Variants in MTMR6 observed in about 807,000 individuals in gnomAD.
The protein encoded by MTMR6 is myotubularin related protein 6, also known as phosphatidylinositol-3,5-bisphosphate 3-phosphatase MTMR6.
A neutral mutation model predicts 80.1 loss-of-function variants in MTMR6; 47 were observed. That is an observed-to-expected ratio of 0.59 (90% CI 0.46 to 0.75). The LOEUF is 0.75. Among genes scored for constraint, MTMR6 ranks in the 30% least tolerant of loss-of-function variants. The pLI, the probability that MTMR6 is intolerant of heterozygous loss-of-function variation, is 0.00. For missense variants in MTMR6, 629 were observed against 730.9 expected, an observed-to-expected ratio of 0.86 and a Z score of 1.61; for synonymous variants, 254 against 253.0, an observed-to-expected ratio of 1.00 and a Z score of -0.04.
intron 1 of MTMR6, among the ~76,000 whole-genome samples, chr13:25,283,918 T>G (rs959248917): frequency 2.0e-5 from 3 of 152,178 alleles, no homozygotes; most frequent in Non-Finnish European, 2.9e-5. Context: ...GATTCATAAG[T>G]GTAGCTTGGA....
At chr13:25,252,124 G>T in intron 11 of MTMR6, 140 bp from the exon 12 acceptor site, 1 of 836,102 alleles carries the variant, frequency 1.2e-6, no homozygotes, top group Non-Finnish European at 1.9e-6. Flanking sequence ...GTCTAACCTT[G>T]TCTCAGAATT....
At position 25,249,455 on chromosome 13, in the gene MTMR6, A is replaced by G; in HGVS notation, c.1643T>C (p.Ile548Thr). Residue 548 changes from isoleucine to threonine, a missense_variant, in exon 14 of 14, where the codon ATC becomes ACC. By Grantham distance (89) the Ile-to-Thr change is moderately conservative. Coordinates refer to ENST00000381801, the MANE Select transcript of MTMR6 (RefSeq NM_004685.5). ...TGAATGTAACAATTCCTTGGTGAGGATGCCATCTGTTTGCTTATTTTTGCG... is the reference window on the plus strand; with the variant it reads ...TGAATGTAACAATTCCTTGGTGAGGGTGCCATCTGTTTGCTTATTTTTGCG... Reference protein sequence around the residue: ...KQRKNKQTDGILTKELLHSVH... With the variant: ...KQRKNKQTDGTLTKELLHSVH... The G allele has an allele frequency of 2.5e-6, 4 of 1,613,896 alleles. No individual in the cohort carries two copies. The highest frequency in any genetic ancestry group is 2.5e-6 in the Non-Finnish European group (3 of 1,179,850).
chr13:25,250,082 A>G (rs558052038), intron 13 of MTMR6, among the ~76,000 whole-genome samples: 1 of 152,292 alleles, frequency 6.6e-6, no homozygotes, highest in East Asian at 1.9e-4. Context: ...TCTCTTGACC[A>G]TATCCTTCTA....
In MTMR6 at chr13:25,283,866, T is replaced by C. The variant is rs369181355; in HGVS notation, c.24+3358A>G. Among the ~76,000 whole-genome samples the C allele has an allele frequency of 4.6e-5, 7 of 152,324 alleles. No homozygotes were observed. The South Asian group carries it at 1.2e-3, about 27-fold the overall frequency. On this transcript the variant is annotated intron_variant, in intron 1 of 13. Transcript: ENST00000381801. ...TTGTTTCTTGGCAGGACTATGTCAT[T>C]ATGGCAAAATGAGAGCTCAAAGCGA...
At chr13:25,286,413 TTA>T (rs1285973651) in intron 1 of MTMR6, among the ~76,000 whole-genome samples, 5 of 152,188 alleles carry the variant, frequency 3.3e-5, no homozygotes, top group Admixed American at 6.5e-5. Flanking sequence ...TCGTCTCGAT[TTA>T]TGTTTTTCTC....
Position 25,258,593 on chromosome 13 carries a change from C to T in MTMR6, c.826G>A (p.Val276Ile). ...AATTTCTGAAGGCTGGACCTCATGA[C>T]ATGAATATTTTCAATTCCAACAAAC... is the stretch of plus-strand genomic sequence containing the variant. ...FQFVGIENIH[V>I]MRSSLQKLLE... Residue 276 changes from valine to isoleucine, a missense_variant, in exon 7 of 14, where the codon GTC becomes ATC. Physicochemically the swap from Val to Ile is conservative, Grantham distance 29 (BLOSUM62 3). Coordinates refer to ENST00000381801, the MANE Select transcript of MTMR6 (RefSeq NM_004685.5). The T allele has an allele frequency of 1.3e-6, 2 of 1,596,462 alleles. No homozygotes were observed. The highest frequency in any genetic ancestry group is 2.3e-5 in the South Asian group (2 of 87,066).
intron 2 of MTMR6, among the ~76,000 whole-genome samples, chr13:25,272,985 T>C (rs1227766920): frequency 6.6e-6 from 1 of 152,118 alleles, no homozygotes; most frequent in African/African-American, 2.4e-5. Flanking sequence ...ATTCTATTTG[T>C]AGCCCAGAAC....
At chr13:25,258,449 T>C (rs1019252296) in intron 7 of MTMR6, 111 bp downstream of exon 7, 2 of 838,716 alleles carry the variant, frequency 2.4e-6, no homozygotes, top group African/African-American at 3.6e-5. Context: ...TTAATTTCAC[T>C]TGTTTCTTTT....
chr13:25,275,256 T>C (rs1367857964), intron 1 of MTMR6, among the ~76,000 whole-genome samples: 1 of 151,400 alleles, frequency 6.6e-6, no homozygotes, highest in Admixed American at 6.6e-5. Flanking sequence ...ATGAGACCTC[T>C]ACTAAAAATA....
intron 4 of MTMR6, 58 bp downstream of exon 4, chr13:25,266,071 C>T (rs1203178274): frequency 1.3e-6 from 2 of 1,596,190 alleles, no homozygotes; most frequent in Admixed American, 1.7e-5. Context: ...TACGCTGACA[C>T]TCTCTAACCC....
rs534933279 is a variant in MTMR6 at position 25,281,840 on chromosome 13, A to G, written c.24+5384T>C. ...GTTCATGTATCCCAATTTCTAGAACAGTGTCTGGCTGCATAAATTATCAAA... is the reference window on the plus strand; with the variant it reads ...GTTCATGTATCCCAATTTCTAGAACGGTGTCTGGCTGCATAAATTATCAAA... On this transcript the variant is annotated intron_variant, in intron 1 of 13. Coordinates refer to ENST00000381801, the MANE Select transcript of MTMR6 (RefSeq NM_004685.5). Among the ~76,000 whole-genome samples, 5 of 152,342 alleles carry G rather than the reference A, an allele frequency of 3.3e-5. No homozygotes were observed. In the East Asian group the frequency reaches 7.7e-4, roughly 24 times the overall value.
chr13:25,284,573 C>G (rs1957919298), intron 1 of MTMR6, among the ~76,000 whole-genome samples: 1 of 152,178 alleles, frequency 6.6e-6, no homozygotes, highest in Non-Finnish European at 1.5e-5. Flanking sequence ...AAAGGACACT[C>G]TACGGTCAAT....
intron 1 of MTMR6, 135 bp downstream of exon 1, chr13:25,287,089 G>A: frequency 1.5e-6 from 2 of 1,326,060 alleles, no homozygotes; most frequent in East Asian, 2.5e-5. Context: ...GGCCTGGCCA[G>A]ACCCTCCCGC....
Position 25,255,685 on chromosome 13 carries a change from G to A in MTMR6, c.1096-1251C>T, listed in dbSNP as rs556643504. On this transcript the variant is annotated intron_variant, in intron 9 of 13. Transcript: ENST00000381801. ...ATTATAGGTACACATCACCATGCCC[G>A]GCTAATTTTTGTATTTTTAGCAGAG... Among the ~76,000 whole-genome samples the A allele has an allele frequency of 2.0e-5, 3 of 152,182 alleles. No individual in the cohort carries two copies. In the South Asian group the frequency reaches 6.2e-4, roughly 32 times the overall value.
chr13:25,277,848 T>C (rs2137618042), intron 1 of MTMR6, among the ~76,000 whole-genome samples: 1 of 152,336 alleles, frequency 6.6e-6, no homozygotes, highest in South Asian at 2.1e-4. Flanking sequence ...GCTGGGTCTC[T>C]TATCAAGGTG....
In MTMR6 at chr13:25,265,959, A is replaced by C; in HGVS notation, c.463-12T>G. On this transcript the variant is annotated splice_polypyrimidine_tract_variant and intron_variant, in intron 4 of 13. Transcript: ENST00000381801. ...TAAGTTTCACAAATCTGTAAATATC[A>C]AACAAAACATAACCATTGTATTCTT... The C allele has an allele frequency of 6.2e-7, 1 of 1,612,476 alleles. No homozygotes were observed. Among genetic ancestry groups the C allele is most frequent in the Non-Finnish European group, 8.5e-7 (1 of 1,178,584 alleles).
In MTMR6 at chr13:25,266,157, T is replaced by A. The variant is rs756366833; in HGVS notation, c.434A>T (p.Gln145Leu). 1.2e-6 allele frequency: 2 copies of A among 1,613,988 alleles called. No individual in the cohort carries two copies. ...GTAGTCCCGGTTGGCATCAGACAAC[T>A]GCCAGTGTGAGTTTGGCACTCCCAT... ...KRMGVPNSHWQLSDANRDYKI... is the reference protein window; with the variant it reads ...KRMGVPNSHWLLSDANRDYKI... The change falls in exon 4 of 14, where the codon CAG (glutamine) becomes CTG (leucine). Residue 145 changes from glutamine (Q) to leucine (L), a missense_variant. Transcript: ENST00000381801.
intron 1 of MTMR6, 42 bp from the exon 2 acceptor site, chr13:25,274,229 A>G (rs1555250545): frequency 7.3e-7 from 1 of 1,369,040 alleles, no homozygotes; most frequent in Non-Finnish European, 1.0e-6. Flanking sequence ...CAAAAGTAGT[A>G]TAAATTATTT....
intron 2 of MTMR6, among the ~76,000 whole-genome samples, chr13:25,272,905 C>T (rs974994962): frequency 1.3e-5 from 2 of 151,994 alleles, no homozygotes; most frequent in Non-Finnish European, 2.9e-5. Context: ...TGCAAATGCC[C>T]GTGTCTTTTT....
Sources: allele counts gnomAD v4.1 joint callset (sites outside exome capture counted in the v4.1 genomes callset), GRCh38; gene constraint gnomAD v4.1.1; transcripts MANE v1.5; gene names NCBI Gene and HGNC (gene_info 2026-07-23, HGNC 2026-07-21).